Variants in PRDM11 observed in about 807,000 individuals in gnomAD.
PRDM11 encodes PR/SET domain 11.
In PRDM11, 20 loss-of-function variants were observed where a neutral mutation model predicts 97.8. The observed-to-expected ratio is 0.20, with a 90% confidence interval of 0.14 to 0.30. The LOEUF (loss-of-function observed/expected upper bound fraction) is 0.30, where lower values mean the gene tolerates loss of function less well. Ranked by LOEUF, PRDM11 falls within the 10% of genes least tolerant of loss-of-function variation. The pLI is 1.00. For missense variants in PRDM11, 1,139 were observed against 1,555.2 expected (o/e 0.73, Z 4.50); for synonymous variants, 599 against 637.7 (o/e 0.94, Z 0.91).
chr11:45,210,082 G>A (rs1218887439), intron 5 of PRDM11, among the ~76,000 whole-genome samples: 2 of 152,174 alleles, frequency 1.3e-5, no homozygotes, highest in East Asian at 3.9e-4. Context: ...GGCTGGAGAC[G>A]AGGCGGCCAA....
intron 1 of PRDM11, among the ~76,000 whole-genome samples, chr11:45,126,912 G>T (rs180936991): frequency 6.6e-6 from 1 of 152,192 alleles, no homozygotes; most frequent in Non-Finnish European, 1.5e-5. Context: ...AGTTCTCCTG[G>T]ATAATATCCT....
chr11:45,112,159 A>T (rs1383312748), intron 1 of PRDM11, among the ~76,000 whole-genome samples: 1 of 152,162 alleles, frequency 6.6e-6, no homozygotes, highest in Non-Finnish European at 1.5e-5. Flanking sequence ...TTGCATCCTC[A>T]TAGCTTAGCT....
chr11:45,164,892 G>T (rs569183176), intron 1 of PRDM11, among the ~76,000 whole-genome samples: 1 of 152,148 alleles, frequency 6.6e-6, no homozygotes, highest in Non-Finnish European at 1.5e-5. Flanking sequence ...AGGCCTCATT[G>T]TGCAGATGGG....
intron 1 of PRDM11, among the ~76,000 whole-genome samples, chr11:45,138,304 G>C (rs1006974341): frequency 2.6e-5 from 4 of 152,168 alleles, no homozygotes; most frequent in Admixed American, 2.0e-4. Context: ...TGGTGCTCCC[G>C]CCTATAATCC....
Position 45,101,567 on chromosome 11 carries a change from A to AAAAAAAAG in PRDM11, c.96+5668_96+5669insAAAAAGAA, listed in dbSNP as rs767802218. On this transcript the variant is annotated intron_variant, in intron 1 of 6. Transcript: ENST00000530656. The stretch of plus-strand genomic sequence containing the variant: ...CAACACTCTGTCTCAAAAAAAAAAA[A>AAAAAAAAG]AAGAAGAAGAAGAAGAAGAAGAAGA... Among the ~76,000 whole-genome samples the AAAAAAAAG allele has an allele frequency of 1.1e-4, 11 of 96,832 alleles. 1 individual carries two copies. Among genetic ancestry groups the AAAAAAAAG allele is most frequent in the African/African-American group, 3.9e-4 (8 of 20,504 alleles). The allele number at this position is 96,832 out of a possible 152,430, so 63.5% of individuals were successfully genotyped here. A position where few individuals can be genotyped will look rare whatever the true frequency, so the allele number is the denominator to read the frequency against.
At position 45,227,709 on chromosome 11, in the gene PRDM11, G is replaced by A. The variant is rs147337839; in HGVS notation, c.3084G>A (p.Arg1028=). 43 of 1,533,930 alleles carry A rather than the reference G, an allele frequency of 2.8e-5. No individual in the cohort carries two copies. The East Asian group carries it at 9.8e-4, about 35-fold the overall frequency. Residue 1028 remains arginine, a synonymous_variant, in exon 8 of 8, where the codon AGG becomes AGA. Coordinates refer to ENST00000683152, the MANE Select transcript of PRDM11 (RefSeq NM_001384648.1). The surrounding 1 kb of genome is among the most constrained non-coding windows in gnomAD (Gnocchi z 8.0). ...CGACCTTTTCCCGGGATGTCTGTAG[G>A]GAAGGGCTGGACCCCCGGGGTAGTC... ...AIPTFSRDVC[R]EGLDPRGSLL...
Position 45,226,130 on chromosome 11 carries a change from G to A in PRDM11, c.1505G>A (p.Arg502His), listed in dbSNP as rs751997622. 35 of 1,533,014 alleles carry A rather than the reference G, an allele frequency of 2.3e-5. No homozygotes were observed. The highest frequency in any genetic ancestry group is 4.8e-5 in the South Asian group (4 of 83,968). The allele number at this position is 1,533,014 out of a possible 1,614,324, so 95.0% of individuals were successfully genotyped here. Residue 502 changes from arginine to histidine, a missense_variant, in exon 8 of 8, where the codon CGC becomes CAC. This residue lies in a region of PRDM11 where 710 missense variants were observed against 1,044.9 expected (regional missense o/e 0.68). Transcript: ENST00000683152. Reference protein sequence around the residue: ...EPSKMSSATGRRIRRFKQEWL... With the variant: ...EPSKMSSATGHRIRRFKQEWL... Reference sequence around the variant, plus strand: ...TCCAAGATGTCATCGGCCACCGGGCGCCGAATCCGGCGCTTTAAGCAGGAA... The same window carrying A: ...TCCAAGATGTCATCGGCCACCGGGCACCGAATCCGGCGCTTTAAGCAGGAA...
At chr11:45,131,723 CA>C (rs1157588448) in intron 1 of PRDM11, among the ~76,000 whole-genome samples, 1 of 152,048 alleles carries the variant, frequency 6.6e-6, no homozygotes, top group African/African-American at 2.4e-5. Flanking sequence ...AGAGCATGCT[CA>C]AAATAATACA....
At chr11:45,220,417 C>CAATGTCCT (rs1208821202) in intron 6 of PRDM11, among the ~76,000 whole-genome samples, 6 of 152,250 alleles carry the variant, frequency 3.9e-5, no homozygotes, top group Non-Finnish European at 8.8e-5. Context: ...GCATTTAGGA[C>CAATGTCCT]AATGCCCACC....
intron 7 of PRDM11, 25 bp from the exon 8 acceptor site, chr11:45,225,970 T>A: frequency 6.8e-7 from 1 of 1,463,560 alleles, no homozygotes; most frequent in South Asian, 1.4e-5. Flanking sequence ...CAGGTATAAA[T>A]GTTTCTTTCC....
chr11:45,110,942 T>C (rs528016507), intron 1 of PRDM11, among the ~76,000 whole-genome samples: 3 of 152,132 alleles, frequency 2.0e-5, no homozygotes, highest in African/African-American at 7.2e-5. Flanking sequence ...CTTACCCCCC[T>C]TTTTTTCTTT....
Position 45,198,909 on chromosome 11 carries a change from T to C in PRDM11, c.487-5802T>C, listed in dbSNP as rs1013310159. 5.3e-5 allele frequency among the ~76,000 whole-genome samples: 8 copies of C among 152,334 alleles called. No individual in the cohort carries two copies. In the East Asian group the frequency reaches 5.8e-4, roughly 11 times the overall value. On this transcript the variant is annotated intron_variant, in intron 4 of 7. Transcript: ENST00000683152. ...CCAGCTTCCCGTGTGGAAAATTCCT[T>C]TGTGGCCTCAGGCAGGTTACCAACA... is the stretch of plus-strand genomic sequence containing the variant.
At chr11:45,096,928 A>G (rs1465868301) in intron 1 of PRDM11, among the ~76,000 whole-genome samples, 1 of 152,176 alleles carries the variant, frequency 6.6e-6, no homozygotes, top group Non-Finnish European at 1.5e-5. Flanking sequence ...CCTGGCAGGG[A>G]GGCAGCTGCG....
intron 6 of PRDM11, among the ~76,000 whole-genome samples, chr11:45,220,820 C>T (rs1854099445): frequency 6.6e-6 from 1 of 152,188 alleles, no homozygotes; most frequent in African/African-American, 2.4e-5. Flanking sequence ...TACTCTCAGC[C>T]CCTAGTCCTT....
At chr11:45,210,137 T>C (rs1031008712) in intron 5 of PRDM11, among the ~76,000 whole-genome samples, 2 of 152,154 alleles carry the variant, frequency 1.3e-5, no homozygotes, top group Admixed American at 1.3e-4. Flanking sequence ...AGTTCCTTTC[T>C]GTGTCTGGTC....
chr11:45,157,244 G>A (rs1470708169), intron 1 of PRDM11, among the ~76,000 whole-genome samples: 1 of 152,162 alleles, frequency 6.6e-6, no homozygotes, highest in Non-Finnish European at 1.5e-5. Flanking sequence ...GGGTCGGGGA[G>A]GATGGTTTGG....
At chr11:45,128,606 T>C (rs924471197) in intron 1 of PRDM11, among the ~76,000 whole-genome samples, 2 of 147,588 alleles carry the variant, frequency 1.4e-5, no homozygotes, top group African/African-American at 5.0e-5. Context: ...ACTTACCATA[T>C]AAAAAAAGTA....
Position 45,227,832 on chromosome 11 carries a change from A to T in PRDM11, c.3207A>T (p.Pro1069=). 1.3e-6 allele frequency: 2 copies of T among 1,533,778 alleles called. No homozygotes were observed. Among genetic ancestry groups the T allele is most frequent in the Non-Finnish European group, 1.7e-6 (2 of 1,146,694 alleles). ...SHICKYKQRF[P]LLNKIIQVLK... ...TTTGCAAGTACAAACAGAGGTTTCC[A>T]CTCTTGAACAAGATCATCCAGGTTC... is the stretch of plus-strand genomic sequence containing the variant. Residue 1069 remains proline, a synonymous_variant, in exon 8 of 8, where the codon CCA becomes CCT. Coordinates refer to ENST00000683152, the MANE Select transcript of PRDM11 (RefSeq NM_001384648.1). This position sits in a 1 kb window ranked among gnomAD's most constrained non-coding sequence, Gnocchi z 8.0.
At chr11:45,200,683 G>A (rs1853296069) in intron 4 of PRDM11, among the ~76,000 whole-genome samples, 1 of 152,218 alleles carries the variant, frequency 6.6e-6, no homozygotes. Context: ...TGTAGGGGGA[G>A]TAGTGTTATG....
Sources: gnomAD v4.1 joint callset for allele counts (sites outside exome capture counted in the v4.1 genomes callset) on GRCh38, gnomAD v4.1.1 for gene constraint, gnomAD v4.1.1 regional missense constraint, Gnocchi (gnomAD v3.1) non-coding constraint, MANE v1.5 for transcripts, NCBI Gene and HGNC (gene_info 2026-07-23, HGNC 2026-07-21) for gene names.